The following NLGN1 variants were observed in gnomAD, a reference collection of about 807,000 sequenced individuals.
NLGN1 encodes the protein neuroligin 1.
Under a neutral mutation model 65.5 loss-of-function variants are expected in NLGN1, and 12 were observed. The observed-to-expected ratio is 0.18, with a 90% CI of 0.12 to 0.30. The LOEUF (loss-of-function observed/expected upper bound fraction) is 0.30. NLGN1 is among the 10% of genes least tolerant of loss of function. NLGN1 has a pLI of 1.00. For missense variants in NLGN1, 750 were observed against 1,007.1 expected (o/e 0.74, Z 3.46); for synonymous variants, 350 against 359.5 (o/e 0.97, Z 0.30).
At chr3:173,990,658 T>A (rs1289424497) in intron 4 of NLGN1, among the ~76,000 whole-genome samples, 2 of 152,168 alleles carry the variant, frequency 1.3e-5, no homozygotes, top group East Asian at 3.9e-4. Context: ...TCTAGCAGTA[T>A]GTGCCTTCTT....
chr3:173,527,639 T>C (rs1735877309), intron 2 of NLGN1, among the ~76,000 whole-genome samples: 1 of 152,168 alleles, frequency 6.6e-6, no homozygotes, highest in Non-Finnish European at 1.5e-5. Flanking sequence ...CCTCGTGATC[T>C]GCCCGCCTCG....
At chr3:173,549,480 G>A (rs1466844939) in intron 2 of NLGN1, among the ~76,000 whole-genome samples, 2 of 151,926 alleles carry the variant, frequency 1.3e-5, no homozygotes, top group South Asian at 2.1e-4. Flanking sequence ...ACCTGTATGC[G>A]TGCTTTACTA....
At chr3:174,275,877 T>G (rs2152887192) in intron 5 of NLGN1, among the ~76,000 whole-genome samples, 1 of 152,050 alleles carries the variant, frequency 6.6e-6, no homozygotes, top group South Asian at 2.1e-4. Flanking sequence ...AAGATGAGAC[T>G]TTTTACATGC....
Position 173,625,268 on chromosome 3 carries a change from AT to A in NLGN1, c.493+20181del, listed in dbSNP as rs372942734. 2.2e-3 allele frequency among the ~76,000 whole-genome samples: 337 copies of A among 152,188 alleles called. 1 individual carries two copies. The highest frequency in any genetic ancestry group is 3.7e-3 in the Non-Finnish European group (252 of 67,984). On this transcript the variant is annotated intron_variant, in intron 3 of 6. Transcript: ENST00000457714. ...TCTAGGGAAATTTTTCATGATGTGT[AT>A]TTTAGACATAAGATGTGTTTTGAGA...
chr3:173,499,513 C>T (rs923716258), intron 2 of NLGN1, among the ~76,000 whole-genome samples: 6 of 151,614 alleles, frequency 4.0e-5, no homozygotes, highest in South Asian at 2.1e-4. Flanking sequence ...TGTTCTTTTG[C>T]GTTAGGATTG....
intron 3 of NLGN1, among the ~76,000 whole-genome samples, chr3:173,632,858 T>G (rs755838413): frequency 0.1 from 15,336 of 150,096 alleles, 841 homozygotes; most frequent in Middle Eastern, 0.25. Flanking sequence ...TGTTTTTTTT[T>G]TTTTTTTTTA....
intron 2 of NLGN1, among the ~76,000 whole-genome samples, chr3:173,573,676 CT>C (rs1167557468): frequency 1.7e-4 from 25 of 151,004 alleles, no homozygotes; most frequent in African/African-American, 5.6e-4. Context: ...ATTATTTTTT[CT>C]GTTATATTTG....
intron 2 of NLGN1, among the ~76,000 whole-genome samples, chr3:173,479,581 T>C (rs1726886732): frequency 1.3e-5 from 2 of 152,152 alleles, no homozygotes; most frequent in South Asian, 4.1e-4. Flanking sequence ...AAAAGACTCT[T>C]CCACTCCCAG....
At chr3:173,523,864 C>T (rs1187895314) in intron 2 of NLGN1, among the ~76,000 whole-genome samples, 1 of 150,534 alleles carries the variant, frequency 6.6e-6, no homozygotes, top group East Asian at 1.9e-4. Context: ...CATTTTAACA[C>T]TATTGATTCT....
chr3:174,006,142 A>G (rs1353392624), intron 4 of NLGN1, among the ~76,000 whole-genome samples: 1 of 152,128 alleles, frequency 6.6e-6, no homozygotes, highest in Non-Finnish European at 1.5e-5. Flanking sequence ...CCCCATAAAT[A>G]GTTATAAAGA....
chr3:174,108,905 C>T (rs1026077623), intron 4 of NLGN1, among the ~76,000 whole-genome samples: 5 of 152,124 alleles, frequency 3.3e-5, no homozygotes, highest in Admixed American at 1.3e-4. Flanking sequence ...GTCTCTGTCT[C>T]TTTCTCTGTT....
chr3:173,671,473 G>T (rs1238645813), intron 3 of NLGN1, among the ~76,000 whole-genome samples: 1 of 151,950 alleles, frequency 6.6e-6, no homozygotes, highest in African/African-American at 2.4e-5. Flanking sequence ...AACAGAAGAA[G>T]AAGAAAAAAG....
intron 4 of NLGN1, among the ~76,000 whole-genome samples, chr3:173,892,803 G>C (rs1287865373): frequency 1.3e-5 from 2 of 152,142 alleles, no homozygotes; most frequent in Non-Finnish European, 1.5e-5. Flanking sequence ...AGGAAGTGAG[G>C]CATGCCAGAG....
At chr3:173,966,604 T>A (rs895894773) in intron 4 of NLGN1, among the ~76,000 whole-genome samples, 1 of 152,212 alleles carries the variant, frequency 6.6e-6, no homozygotes, top group Non-Finnish European at 1.5e-5. Flanking sequence ...TTACACTGAC[T>A]CCATCCGCCT....
At chr3:173,464,004 A>G (rs1384915889) in intron 2 of NLGN1, among the ~76,000 whole-genome samples, 1 of 152,124 alleles carries the variant, frequency 6.6e-6, no homozygotes, top group East Asian at 1.9e-4. Context: ...AATATTAAAA[A>G]AAAACCTCTT....
At chr3:173,770,513 C>T (rs1779420802) in intron 3 of NLGN1, among the ~76,000 whole-genome samples, 1 of 152,090 alleles carries the variant, frequency 6.6e-6, no homozygotes, top group Non-Finnish European at 1.5e-5. Flanking sequence ...TTGCTTCTCT[C>T]CTGGTAGAAT....
At chr3:173,429,837 G>A (rs1357759961) in intron 1 of NLGN1, among the ~76,000 whole-genome samples, 1 of 152,148 alleles carries the variant, frequency 6.6e-6, no homozygotes, top group Non-Finnish European at 1.5e-5. Flanking sequence ...GGTGGCTAAG[G>A]GTTATGCCCA....
At chr3:173,966,222 T>G (rs1387403604) in intron 4 of NLGN1, among the ~76,000 whole-genome samples, 2 of 152,140 alleles carry the variant, frequency 1.3e-5, no homozygotes, top group Non-Finnish European at 2.9e-5. Context: ...TTTGGTCCAG[T>G]AAAAAGTCCA....
intron 3 of NLGN1, among the ~76,000 whole-genome samples, chr3:173,655,432 C>T (rs900302248): frequency 6.6e-5 from 10 of 151,902 alleles, no homozygotes; most frequent in South Asian, 2.1e-4. Flanking sequence ...AGAGAGTGTA[C>T]GTAAAACTGG....
Sources: allele counts gnomAD v4.1 joint callset (sites outside exome capture counted in the v4.1 genomes callset), GRCh38; gene constraint gnomAD v4.1.1; transcripts MANE v1.5; gene names NCBI Gene and HGNC (gene_info 2026-07-23, HGNC 2026-07-21).